Variants in BTRC observed in about 807,000 individuals in gnomAD.
BTRC encodes the protein beta-transducin repeat containing E3 ubiquitin protein ligase.
BTRC carries 42 observed loss-of-function variants against 85.5 expected under a neutral mutation model. The ratio of observed to expected loss-of-function variants is 0.49; its 90% confidence interval spans 0.38 to 0.64. The LOEUF is 0.64. BTRC is among the 30% of genes least tolerant of loss of function. The probability of loss-of-function intolerance (pLI) is 0.00; values close to 1 mark genes in which losing one functional copy is unlikely to be tolerated. For missense variants in BTRC, 594 were observed against 743.5 expected (o/e 0.80, Z 2.34); for synonymous variants, 255 against 263.3 (o/e 0.97, Z 0.30).
chr10:101,467,205 A>AC (rs1204098835), intron 3 of BTRC, among the ~76,000 whole-genome samples: 4 of 151,964 alleles, frequency 2.6e-5, no homozygotes, highest in South Asian at 2.1e-4. Context: ...TAAAAAAAAA[A>AC]AAAACACAGA....
chr10:101,355,687 C>A (rs1028802455), intron 1 of BTRC, among the ~76,000 whole-genome samples: 1 of 152,202 alleles, frequency 6.6e-6, no homozygotes, highest in Non-Finnish European at 1.5e-5. Flanking sequence ...AATACCGTAA[C>A]AAATCCAGAT....
rs1357151103 is a variant in BTRC, at chr10:101,488,663, T to C, written c.324+9206T>C. Among the ~76,000 whole-genome samples the C allele has an allele frequency of 2.0e-5, 3 of 152,182 alleles. No individual in the cohort carries two copies. In the East Asian group the frequency reaches 5.8e-4, roughly 29 times the overall value. On this transcript the variant is annotated intron_variant, in intron 4 of 14. Transcript: ENST00000370187. ...CGTGTTAGTCTTTACATATTAGACTTAGTGGCTTACTGTAAAAGCAAGTAA... is the reference window on the plus strand; with the variant it reads ...CGTGTTAGTCTTTACATATTAGACTCAGTGGCTTACTGTAAAAGCAAGTAA...
intron 4 of BTRC, among the ~76,000 whole-genome samples, chr10:101,499,356 C>A (rs1010567826): frequency 6.6e-6 from 1 of 151,748 alleles, no homozygotes; most frequent in East Asian, 1.9e-4. Flanking sequence ...CGTGAGTAGC[C>A]GGGATTATAG....
At chr10:101,453,558 T>TA (rs1274665553) in intron 2 of BTRC, 1 of 152,232 alleles carries the variant, frequency 6.6e-6, no homozygotes, top group Non-Finnish European at 1.5e-5. Flanking sequence ...AAGATTATTG[T>TA]AAGTCATTAT....
At chr10:101,532,515 A>C in intron 8 of BTRC, 83 bp downstream of exon 8, 1 of 1,422,968 alleles carries the variant, frequency 7.0e-7, no homozygotes, top group African/African-American at 1.4e-5. Flanking sequence ...ATAAACTCTA[A>C]GCATTATTTC....
intron 1 of BTRC, among the ~76,000 whole-genome samples, chr10:101,425,433 G>T (rs958676360): frequency 6.6e-6 from 1 of 152,112 alleles, no homozygotes; most frequent in African/African-American, 2.4e-5. Context: ...ACGTTAGGTG[G>T]GAACTGAGCT....
intron 2 of BTRC, among the ~76,000 whole-genome samples, chr10:101,445,873 G>C (rs1035334492): frequency 6.6e-6 from 1 of 152,086 alleles, no homozygotes; most frequent in Non-Finnish European, 1.5e-5. Flanking sequence ...TGACGGGGAG[G>C]GTGTTAAAGT....
At chr10:101,474,536 G>C (rs569914273) in intron 3 of BTRC, among the ~76,000 whole-genome samples, 1 of 152,230 alleles carries the variant, frequency 6.6e-6, no homozygotes, top group South Asian at 2.1e-4. Flanking sequence ...CTTCATGTAC[G>C]TAGTTTGGGT....
chr10:101,365,412 T>G (rs1590203116), intron 1 of BTRC, among the ~76,000 whole-genome samples: 1 of 151,460 alleles, frequency 6.6e-6, no homozygotes, highest in East Asian at 1.9e-4. Context: ...TCACTCACTC[T>G]GTCACCCAGG....
Position 101,440,425 on chromosome 10 carries a change from G to C in BTRC, c.156+9973G>C, listed in dbSNP as rs553972669. Among the ~76,000 whole-genome samples, 3 of 152,152 alleles carry C rather than the reference G, an allele frequency of 2.0e-5. No individual in the cohort carries two copies. In the South Asian group the frequency reaches 6.2e-4, roughly 32 times the overall value. The stretch of plus-strand genomic sequence containing the variant: ...TGGAGTATGGAAAAGAGTTTGTATT[G>C]AAAGTTCCTCAATGGCTGGGCACTG... On this transcript the variant is annotated intron_variant, in intron 2 of 14. Transcript: ENST00000370187.
chr10:101,522,865 G>A (rs182398207), intron 5 of BTRC, among the ~76,000 whole-genome samples: 112 of 152,148 alleles, frequency 7.4e-4, no homozygotes, highest in Middle Eastern at 3.4e-3. Context: ...TCATGTTTAT[G>A]TACTTGGATT....
chr10:101,542,775 A>G (rs1262655574), intron 13 of BTRC, among the ~76,000 whole-genome samples: 1 of 152,062 alleles, frequency 6.6e-6, no homozygotes, highest in Non-Finnish European at 1.5e-5. Flanking sequence ...GGGTTTTGCC[A>G]CATTGCCCAG....
chr10:101,442,284 G>C (rs7098492), intron 2 of BTRC, among the ~76,000 whole-genome samples: 45,861 of 119,970 alleles, frequency 0.38, 9,117 homozygotes, highest in Middle Eastern at 0.49. Context: ...CTCTCTCTCT[G>C]TCTCTGTGTG....
At chr10:101,460,387 T>A (rs554322699) in intron 2 of BTRC, among the ~76,000 whole-genome samples, 9 of 152,238 alleles carry the variant, frequency 5.9e-5, no homozygotes, top group Non-Finnish European at 1.3e-4. Flanking sequence ...CTCCATTTTT[T>A]GGTAGATGAT....
intron 2 of BTRC, among the ~76,000 whole-genome samples, chr10:101,452,958 C>T (rs1944986677): frequency 6.6e-6 from 1 of 152,062 alleles, no homozygotes; most frequent in African/African-American, 2.4e-5. Context: ...AAGTTTTCCC[C>T]ATTGTATCCT....
intron 4 of BTRC, among the ~76,000 whole-genome samples, chr10:101,514,341 G>A (rs1012510041): frequency 2.0e-5 from 3 of 151,970 alleles, no homozygotes; most frequent in Non-Finnish European, 2.9e-5. Flanking sequence ...AAGTTTTATA[G>A]TTTTAGCTCC....
intron 1 of BTRC, among the ~76,000 whole-genome samples, chr10:101,365,352 C>T (rs950326684): frequency 2.0e-5 from 3 of 150,002 alleles, no homozygotes; most frequent in African/African-American, 4.9e-5. Context: ...GGATTACTGG[C>T]GTGAGCCACC....
chr10:101,442,274 C>G (rs1211518696), intron 2 of BTRC, among the ~76,000 whole-genome samples: 1 of 137,724 alleles, frequency 7.3e-6, no homozygotes, highest in African/African-American at 2.7e-5. Context: ...CTCTCTCTCT[C>G]TCTCTCTCTG....
At chr10:101,367,032 TTATATATATAAATA>T (rs1402705030) in intron 1 of BTRC, among the ~76,000 whole-genome samples, 1 of 52,244 alleles carries the variant, frequency 1.9e-5, no homozygotes, top group Admixed American at 3.6e-4. Flanking sequence ...ATTTATATAT[TTATATATATAAATA>T]TATATATATA....
Sources: allele counts gnomAD v4.1 joint callset (sites outside exome capture counted in the v4.1 genomes callset), GRCh38; gene constraint gnomAD v4.1.1; transcripts MANE v1.5; gene names NCBI Gene and HGNC (gene_info 2026-07-23, HGNC 2026-07-21).